The following TLE1 variants were observed in gnomAD, a reference collection of about 807,000 sequenced individuals.
TLE1 encodes transducin-like enhancer protein 1.
In TLE1, 21 loss-of-function variants were observed where a neutral mutation model predicts 89.8. That is an observed-to-expected ratio of 0.23 (90% CI 0.17 to 0.34). The LOEUF (loss-of-function observed/expected upper bound fraction) is 0.34. Ranked by LOEUF, TLE1 falls within the 10% of genes least tolerant of loss-of-function variation. The pLI is 1.00. For missense variants in TLE1, 795 were observed against 1,031.2 expected (o/e 0.77, Z 3.14); for synonymous variants, 447 against 407.6 (o/e 1.10, Z -1.16).
chr9:81,674,547 T>C (rs1261644249), intron 4 of TLE1, among the ~76,000 whole-genome samples: 1 of 152,166 alleles, frequency 6.6e-6, no homozygotes, highest in Non-Finnish European at 1.5e-5. Context: ...AAGTTCAAAA[T>C]CAGAGTCCTT....
chr9:81,651,267 C>A (rs1320953834), intron 6 of TLE1, among the ~76,000 whole-genome samples: 2 of 152,162 alleles, frequency 1.3e-5, no homozygotes, highest in Non-Finnish European at 2.9e-5. Context: ...AAAGGACGGT[C>A]CCTTGTTTCA....
At chr9:81,625,708 T>C (rs1355433521) in intron 8 of TLE1, among the ~76,000 whole-genome samples, 1 of 152,158 alleles carries the variant, frequency 6.6e-6, no homozygotes, top group Non-Finnish European at 1.5e-5. Flanking sequence ...TACTTTATCC[T>C]GACCATTCAA....
intron 14 of TLE1, among the ~76,000 whole-genome samples, chr9:81,607,844 CT>C (rs1831893548): frequency 1.3e-5 from 2 of 152,218 alleles, no homozygotes; most frequent in South Asian, 4.1e-4. Flanking sequence ...AATACTACCC[CT>C]GACTCCCTTC....
Position 81,615,962 on chromosome 9 carries a change from T to G in TLE1, c.918+20A>C. The G allele has an allele frequency of 6.2e-7, 1 of 1,612,736 alleles. No homozygotes were observed. The highest frequency in any genetic ancestry group is 8.5e-7 in the Non-Finnish European group (1 of 1,179,890). On this transcript the variant is annotated intron_variant, in intron 11 of 19. Transcript: ENST00000376499. ...AAAAATACACTGCCAAACAGGCAAGTGTCAGTTTTCTTTACCTACCAAGCT... is the reference window on the plus strand; with the variant it reads ...AAAAATACACTGCCAAACAGGCAAGGGTCAGTTTTCTTTACCTACCAAGCT...
intron 13 of TLE1, 59 bp from the exon 14 acceptor site, chr9:81,610,355 A>AG: frequency 1.6e-6 from 2 of 1,268,496 alleles, no homozygotes; most frequent in Non-Finnish European, 2.3e-6. Context: ...CTTTGTGAAC[A>AG]TCAATACTGT....
intron 14 of TLE1, among the ~76,000 whole-genome samples, chr9:81,595,743 T>C (rs576008487): frequency 7.5e-5 from 11 of 146,492 alleles, no homozygotes; most frequent in East Asian, 4.0e-4. Flanking sequence ...GGCGTGAACC[T>C]GGGAGGCGGA....
chr9:81,685,772 T>A, intron 3 of TLE1, 52 bp from the exon 4 acceptor site: 1 of 1,612,142 alleles, frequency 6.2e-7, no homozygotes, highest in Non-Finnish European at 8.5e-7. Flanking sequence ...TTTTTTACAC[T>A]CTGCTAACAC....
At chr9:81,654,166 G>C (rs1829878133) in intron 4 of TLE1, 130 bp from the exon 5 acceptor site, 1 of 765,774 alleles carries the variant, frequency 1.3e-6, no homozygotes, top group Non-Finnish European at 2.1e-6. Context: ...GGTTTCCCCA[G>C]GTTATGTTAC....
chr9:81,596,725 C>T (rs772829716), intron 14 of TLE1, among the ~76,000 whole-genome samples: 3 of 152,140 alleles, frequency 2.0e-5, no homozygotes, highest in Non-Finnish European at 4.4e-5. Flanking sequence ...CGAACACAGG[C>T]AAAATTCATC....
intron 6 of TLE1, among the ~76,000 whole-genome samples, chr9:81,649,775 G>C (rs1829316949): frequency 6.6e-6 from 1 of 152,122 alleles, no homozygotes; most frequent in Non-Finnish European, 1.5e-5. Context: ...GGGGAGACAG[G>C]TTGACACACT....
At chr9:81,675,331 TA>T (rs1832739804) in intron 4 of TLE1, among the ~76,000 whole-genome samples, 1 of 93,634 alleles carries the variant, frequency 1.1e-5, no homozygotes, top group South Asian at 2.8e-4. Flanking sequence ...AAAGACTAAG[TA>T]AATAATCAGT....
At chr9:81,623,046 T>A (rs62576163) in intron 8 of TLE1, among the ~76,000 whole-genome samples, 2,256 of 152,330 alleles carry the variant, frequency 0.015, 35 homozygotes, top group South Asian at 0.028. Flanking sequence ...TTGTTCTTGA[T>A]ATAAGCAAAC....
intron 6 of TLE1, among the ~76,000 whole-genome samples, chr9:81,647,299 C>A (rs1465778736): frequency 6.6e-6 from 1 of 152,204 alleles, no homozygotes; most frequent in Non-Finnish European, 1.5e-5. Context: ...ACACTATCTG[C>A]CTTATTCTTT....
chr9:81,682,266 AAGC>A (rs1314568958), intron 4 of TLE1, among the ~76,000 whole-genome samples: 10 of 151,762 alleles, frequency 6.6e-5, no homozygotes, highest in East Asian at 5.8e-4. Flanking sequence ...AAAAAAAAAA[AAGC>A]AGCAGCAGCA....
chr9:81,667,681 A>G (rs957616463), intron 4 of TLE1, among the ~76,000 whole-genome samples: 3 of 151,602 alleles, frequency 2.0e-5, no homozygotes, highest in South Asian at 4.2e-4. Context: ...CTGAAACTTC[A>G]GCGGGGAAGT....
chr9:81,677,146 G>A (rs1234147522), intron 4 of TLE1, among the ~76,000 whole-genome samples: 1 of 152,156 alleles, frequency 6.6e-6, no homozygotes, highest in African/African-American at 2.4e-5. Context: ...ACTGAGGCAG[G>A]AGAATAGCTT....
chr9:81,617,218 CA>C (rs1183054670), intron 9 of TLE1, among the ~76,000 whole-genome samples: 1 of 149,382 alleles, frequency 6.7e-6, no homozygotes, highest in East Asian at 2.0e-4. Flanking sequence ...TCTTAAGTAA[CA>C]AAAAAGTAAA....
At chr9:81,680,730 G>C (rs1833508817) in intron 4 of TLE1, among the ~76,000 whole-genome samples, 1 of 151,814 alleles carries the variant, frequency 6.6e-6, no homozygotes, top group Admixed American at 6.6e-5. Flanking sequence ...TGCTTGCAAA[G>C]AACAGGCCTG....
At chr9:81,661,391 G>C (rs1033543232) in intron 4 of TLE1, among the ~76,000 whole-genome samples, 3 of 151,780 alleles carry the variant, frequency 2.0e-5, no homozygotes, top group Non-Finnish European at 4.4e-5. Context: ...TGCATAATGA[G>C]TGCTGTTTGA....
Sources: allele counts gnomAD v4.1 joint callset (sites outside exome capture counted in the v4.1 genomes callset), GRCh38; gene constraint gnomAD v4.1.1; transcripts MANE v1.5; gene names NCBI Gene and HGNC (gene_info 2026-07-23, HGNC 2026-07-21).